The following MAP2 variants were observed in gnomAD, a reference collection of about 807,000 sequenced individuals.
MAP2 encodes microtubule-associated protein 2.
MAP2 carries 14 observed loss-of-function variants against 137.6 expected under a neutral mutation model. The observed-to-expected ratio is 0.10, with a 90% confidence interval of 0.07 to 0.16. MAP2 has a LOEUF of 0.16. MAP2 is among the 10% of genes least tolerant of loss of function. The probability of loss-of-function intolerance (pLI) is 1.00; values close to 1 mark genes in which losing one functional copy is unlikely to be tolerated. For missense variants in MAP2, 2,088 were observed against 2,191.5 expected, an observed-to-expected ratio of 0.95 and a Z score of 0.94; for synonymous variants, 786 against 782.3, an observed-to-expected ratio of 1.00 and a Z score of -0.08.
chr2:209,708,127 A>G (rs2064067749), intron 12 of MAP2, among the ~76,000 whole-genome samples: 1 of 152,200 alleles, frequency 6.6e-6, no homozygotes. Context: ...ACATTCAAGA[A>G]AGAAATAATG....
At chr2:209,650,648 C>G (rs2094727210) in intron 4 of MAP2, among the ~76,000 whole-genome samples, 1 of 152,120 alleles carries the variant, frequency 6.6e-6, no homozygotes, top group Non-Finnish European at 1.5e-5. Flanking sequence ...CTAAAGTAAT[C>G]TAAATAAACT....
At chr2:209,666,166 T>C (rs2046216919) in intron 5 of MAP2, among the ~76,000 whole-genome samples, 2 of 152,182 alleles carry the variant, frequency 1.3e-5, no homozygotes, top group South Asian at 4.1e-4. Context: ...TGGAATAAAC[T>C]TGCTTTCCTT....
At chr2:209,599,575 G>A (rs900398558) in intron 3 of MAP2, among the ~76,000 whole-genome samples, 3 of 152,062 alleles carry the variant, frequency 2.0e-5, no homozygotes, top group Non-Finnish European at 4.4e-5. Context: ...ACACATTCTA[G>A]AAAATTCAAG....
At chr2:209,549,421 C>T (rs542652928) in intron 2 of MAP2, among the ~76,000 whole-genome samples, 10 of 152,276 alleles carry the variant, frequency 6.6e-5, no homozygotes, top group African/African-American at 2.4e-4. Context: ...GTACTCCCTC[C>T]ATTAATCAAT....
At chr2:209,717,795 T>G (rs909920370) in intron 13 of MAP2, among the ~76,000 whole-genome samples, 2 of 152,178 alleles carry the variant, frequency 1.3e-5, no homozygotes, top group African/African-American at 4.8e-5. Flanking sequence ...TGAGGCATGG[T>G]CTCTGCAATC....
intron 5 of MAP2, among the ~76,000 whole-genome samples, chr2:209,660,391 T>C (rs1277973507): frequency 8.1e-6 from 1 of 122,826 alleles, no homozygotes; most frequent in African/African-American, 3.5e-5. Context: ...TGCAATTTTT[T>C]TTTTTTTTTT....
chr2:209,538,110 A>G (rs1362899279), intron 2 of MAP2, among the ~76,000 whole-genome samples: 1 of 152,178 alleles, frequency 6.6e-6, no homozygotes, highest in Admixed American at 6.5e-5. Context: ...CTGTGTCTTC[A>G]CGCAGAAATC....
intron 4 of MAP2, among the ~76,000 whole-genome samples, chr2:209,645,114 A>G (rs1444447616): frequency 6.6e-6 from 1 of 152,236 alleles, no homozygotes; most frequent in Non-Finnish European, 1.5e-5. Flanking sequence ...TTACACTTAA[A>G]TAAGTATGTC....
chr2:209,721,782 T>A (rs1217705329), intron 13 of MAP2: 1 of 152,222 alleles, frequency 6.6e-6, no homozygotes, highest in South Asian at 2.1e-4. Context: ...CTAAGTTAAA[T>A]TTTTTAAACA....
intron 2 of MAP2, among the ~76,000 whole-genome samples, chr2:209,575,456 G>A (rs572738790): frequency 7.1e-6 from 1 of 140,240 alleles, no homozygotes; most frequent in South Asian, 2.3e-4. Context: ...GGGAGGTGGA[G>A]CTTGCAGTGA....
At chr2:209,597,815 C>T (rs1462611694) in intron 3 of MAP2, among the ~76,000 whole-genome samples, 1 of 151,988 alleles carries the variant, frequency 6.6e-6, no homozygotes, top group African/African-American at 2.4e-5. Flanking sequence ...CACCCTCCTC[C>T]CCTTTGCTTA....
chr2:209,713,998 C>A (rs1326401482), intron 13 of MAP2, among the ~76,000 whole-genome samples: 1 of 151,800 alleles, frequency 6.6e-6, no homozygotes, highest in African/African-American at 2.4e-5. Flanking sequence ...TCGAGACCAG[C>A]CTGGCCAACA....
intron 1 of MAP2, among the ~76,000 whole-genome samples, chr2:209,439,652 C>T (rs911280066): frequency 7.3e-5 from 11 of 151,314 alleles, no homozygotes; most frequent in African/African-American, 2.7e-4. Flanking sequence ...ATTGTAGCTC[C>T]ATAGAAAAAG....
intron 2 of MAP2, among the ~76,000 whole-genome samples, chr2:209,556,218 A>G (rs288088): frequency 0.33 from 49,111 of 151,110 alleles, 14,055 homozygotes; most frequent in African/African-American, 0.77. Context: ...TTTTTTAAAT[A>G]TTTCTTGTAG....
intron 5 of MAP2, 147 bp from the exon 6 acceptor site, chr2:209,678,425 A>G (rs535244548): frequency 2.7e-6 from 1 of 372,812 alleles, no homozygotes; most frequent in African/African-American, 2.1e-5. Flanking sequence ...ATATGTGTTT[A>G]TGTTTTCTCT....
At chr2:209,505,893 G>A (rs1240029605) in intron 1 of MAP2, among the ~76,000 whole-genome samples, 1 of 151,948 alleles carries the variant, frequency 6.6e-6, no homozygotes, top group Non-Finnish European at 1.5e-5. Flanking sequence ...GACCGATTGA[G>A]CCTGGGAGGT....
In MAP2 at chr2:209,479,992, ATTTG is replaced by A. The variant is rs755731884; in HGVS notation, c.-221-27596_-221-27593del. ...TGTTTTACTTAAATAAGTCACATCAATTTGTTTAATTAAAATGTGACAGTTTGAG... is the reference window on the plus strand; with the variant it reads ...TGTTTTACTTAAATAAGTCACATCAATTTAATTAAAATGTGACAGTTTGAG... On this transcript the variant is annotated intron_variant, in intron 1 of 15. Transcript: ENST00000682079. Among the ~76,000 whole-genome samples, 9 of 152,234 alleles carry A rather than the reference ATTTG, an allele frequency of 5.9e-5. No homozygotes were observed. In the South Asian group the frequency reaches 8.3e-4, roughly 14 times the overall value.
chr2:209,653,257 T>A lies in MAP2; in HGVS notation c.87T>A (p.Pro29=). The change falls in exon 5 of 16, where the codon CCT becomes CCA. Residue 29 remains proline, a synonymous_variant. Coordinates refer to ENST00000682079, the MANE Select transcript of MAP2 (RefSeq NM_001375505.1). Reference sequence around the variant, plus strand: ...AGGCATCTGCACACTCACATCCACCTGAGATTAAGGATCAAGGCGGAGCAG... The same window carrying A: ...AGGCATCTGCACACTCACATCCACCAGAGATTAAGGATCAAGGCGGAGCAG... The part of the protein sequence containing the change: ...LTEASAHSHP[P]EIKDQGGAGE... 1 of 1,611,488 alleles carries A rather than the reference T, an allele frequency of 6.2e-7. No individual in the cohort carries two copies. The highest frequency in any genetic ancestry group is 8.5e-7 in the Non-Finnish European group (1 of 1,177,656).
At position 209,439,742 on chromosome 2, in the gene MAP2, G is replaced by T. The variant is rs375389778; in HGVS notation, c.-222+15466G>T. Among the ~76,000 whole-genome samples, 6 of 151,482 alleles carry T rather than the reference G, an allele frequency of 4.0e-5. No individual in the cohort carries two copies. The East Asian group carries it at 9.7e-4, about 24-fold the overall frequency. ...TTAGCCATTTGAGAACCGTTAGAAA[G>T]TAAGCAACTGTCACCCTTTATAAAA... On this transcript the variant is annotated intron_variant, in intron 1 of 15. Coordinates refer to ENST00000682079, the MANE Select transcript of MAP2 (RefSeq NM_001375505.1).
Sources: gnomAD v4.1 joint callset for allele counts (sites outside exome capture counted in the v4.1 genomes callset) on GRCh38, gnomAD v4.1.1 for gene constraint, MANE v1.5 for transcripts, NCBI Gene and HGNC (gene_info 2026-07-23, HGNC 2026-07-21) for gene names.